SEC14L5: variants seen among roughly 807,000 people sequenced by gnomAD.
SEC14L5 encodes the protein SEC14-like protein 5.
SEC14L5 carries 96 observed loss-of-function variants against 84.6 expected under a neutral mutation model. The ratio of observed to expected loss-of-function variants is 1.13; its 90% confidence interval spans 0.96 to 1.34. The LOEUF (loss-of-function observed/expected upper bound fraction) is 1.34, where lower values mean the gene tolerates loss of function less well. Ranked by LOEUF, SEC14L5 falls within the 40% of genes most tolerant of loss-of-function variation. The pLI, the probability that SEC14L5 is intolerant of heterozygous loss-of-function variation, is 0.00. For synonymous variants in SEC14L5, 546 were observed against 383.4 expected, an observed-to-expected ratio of 1.42 and a Z score of -4.95; for missense variants, 1,224 against 942.5, an observed-to-expected ratio of 1.30 and a Z score of -3.91.
chr16:5,015,471 A>G lies in SEC14L5; in HGVS notation c.*501A>G, dbSNP rs74951136. 2,202 of 157,578 alleles carry G rather than the reference A, an allele frequency of 0.014. 51 individuals carry two copies. Among genetic ancestry groups the G allele is most frequent in the African/African-American group, 0.05 (2,090 of 41,708 alleles). The allele number at this position is 157,578 out of a possible 1,614,324, so 9.8% of individuals were successfully genotyped here. On this transcript the variant is annotated 3_prime_UTR_variant, in exon 16 of 16. Transcript: ENST00000251170. ...CCAGGTCAATTCCTGAACCAATCAC[A>G]GTTGCCAGGCACACTGGAGAATGCT...
chr16:4,978,827 G>T (rs1031573870), intron 2 of SEC14L5, among the ~76,000 whole-genome samples: 4 of 152,042 alleles, frequency 2.6e-5, no homozygotes, highest in South Asian at 2.1e-4. Context: ...GGTCTCGATC[G>T]CTTGACCTCG....
At chr16:5,008,779 G>T (rs1348589860) in intron 14 of SEC14L5, 131 bp downstream of exon 14, 12 of 770,444 alleles carry the variant, frequency 1.6e-5, no homozygotes, top group Non-Finnish European at 2.3e-5. Flanking sequence ...CTGCAGGACA[G>T]GGCAGAGGAA....
intron 15 of SEC14L5, 83 bp from the exon 16 acceptor site, chr16:5,014,776 C>G (rs1955851969): frequency 9.6e-7 from 1 of 1,046,118 alleles, no homozygotes; most frequent in Non-Finnish European, 1.4e-6. Flanking sequence ...TTTGCAGCAT[C>G]AACAGCTTTT....
At chr16:4,984,442 A>G (rs1318288025) in intron 2 of SEC14L5, among the ~76,000 whole-genome samples, 2 of 152,174 alleles carry the variant, frequency 1.3e-5, no homozygotes, top group African/African-American at 4.8e-5. Context: ...TCATCCGTTG[A>G]TGGACATTTG....
At chr16:5,006,101 A>G (rs2142527317) in intron 12 of SEC14L5, 53 bp downstream of exon 12, 1 of 1,588,428 alleles carries the variant, frequency 6.3e-7, no homozygotes, top group Admixed American at 1.7e-5. Flanking sequence ...GGGCATGCCT[A>G]GCTGGGAGGC....
At chr16:4,987,739 G>A in intron 3 of SEC14L5, 33 bp downstream of exon 3, 1 of 1,445,022 alleles carries the variant, frequency 6.9e-7, no homozygotes, top group Non-Finnish European at 9.1e-7. Context: ...GGCGGAGGAG[G>A]GGACCTGTTG....
chr16:4,991,123 A>T (rs1412945674), intron 5 of SEC14L5, among the ~76,000 whole-genome samples: 1 of 132,300 alleles, frequency 7.6e-6, no homozygotes, highest in Non-Finnish European at 1.6e-5. Flanking sequence ...GTCCAGGCTT[A>T]TGTGGTGAAT....
At chr16:5,012,619 C>T (rs931221916) in intron 15 of SEC14L5, among the ~76,000 whole-genome samples, 6 of 152,212 alleles carry the variant, frequency 3.9e-5, no homozygotes, top group African/African-American at 7.2e-5. Flanking sequence ...AAAGAACTAC[C>T]TGAGGCCGGG....
At chr16:4,979,923 T>G (rs1275411726) in intron 2 of SEC14L5, among the ~76,000 whole-genome samples, 1 of 152,188 alleles carries the variant, frequency 6.6e-6, no homozygotes, top group East Asian at 1.9e-4. Flanking sequence ...GGTCCCCTGC[T>G]TTGCGAGTTA....
chr16:5,006,089 G>A lies in SEC14L5; in HGVS notation c.1437+41G>A, dbSNP rs193173563. On this transcript the variant is annotated intron_variant, in intron 12 of 15. Transcript: ENST00000251170. ...CCACAGACAGACCTGGGCTTGAGGA[G>A]GGGGCATGCCTAGCTGGGAGGCTGG... 141 of 1,606,152 alleles carry A rather than the reference G, an allele frequency of 8.8e-5. No individual in the cohort carries two copies. In the African/African-American group the frequency reaches 1.6e-3, roughly 19 times the overall value.
At chr16:4,975,302 C>T (rs1275203271) in intron 2 of SEC14L5, among the ~76,000 whole-genome samples, 1 of 151,626 alleles carries the variant, frequency 6.6e-6, no homozygotes, top group Non-Finnish European at 1.5e-5. Context: ...GAAACCCCGT[C>T]TCCACTAAAA....
chr16:4,965,553 C>T (rs1229750111), intron 2 of SEC14L5, among the ~76,000 whole-genome samples: 5 of 146,828 alleles, frequency 3.4e-5, no homozygotes, highest in African/African-American at 1.0e-4. Flanking sequence ...CCCAGCTACT[C>T]GGGAGGCTGA....
At chr16:4,990,401 G>C (rs1472971700) in intron 4 of SEC14L5, among the ~76,000 whole-genome samples, 1 of 152,196 alleles carries the variant, frequency 6.6e-6, no homozygotes, top group African/African-American at 2.4e-5. Flanking sequence ...GACCTCAAAT[G>C]ATTCGCCCAC....
chr16:4,966,235 G>A (rs1955198552), intron 2 of SEC14L5, among the ~76,000 whole-genome samples: 1 of 150,272 alleles, frequency 6.7e-6, no homozygotes, highest in Admixed American at 6.7e-5. Context: ...CAAAGTGCTG[G>A]GATTACAGGC....
At chr16:5,014,721 T>G (rs1276614440) in intron 15 of SEC14L5, 138 bp from the exon 16 acceptor site, 1 of 633,062 alleles carries the variant, frequency 1.6e-6, no homozygotes, top group African/African-American at 1.8e-5. Context: ...CTTCATGGCG[T>G]CACTTGCTTT....
In SEC14L5 at chr16:5,018,660, A is replaced by G. The variant is rs1195838873; in HGVS notation, c.*3690A>G. ...GGGTGACAAAGCAAGACCCTGTCTCAAAAAAAGAAGAAAGAAGCTGCTTGT... is the reference window on the plus strand; with the variant it reads ...GGGTGACAAAGCAAGACCCTGTCTCGAAAAAAGAAGAAAGAAGCTGCTTGT... On this transcript the variant is annotated 3_prime_UTR_variant, in exon 16 of 16. Coordinates refer to ENST00000251170, the MANE Select transcript of SEC14L5 (RefSeq NM_014692.2). 6.6e-6 allele frequency: 1 copy of G among 152,210 alleles called. No individual in the cohort carries two copies. The highest frequency in any genetic ancestry group is 1.5e-5 in the Non-Finnish European group (1 of 68,054). The allele number at this position is 152,210 out of a possible 1,614,324, so 9.4% of individuals were successfully genotyped here.
intron 2 of SEC14L5, among the ~76,000 whole-genome samples, chr16:4,981,003 G>A (rs1180901569): frequency 6.6e-6 from 1 of 152,120 alleles, no homozygotes; most frequent in African/African-American, 2.4e-5. Flanking sequence ...GGCGTGGCTG[G>A]AGCCAGATGA....
chr16:4,996,957 C>A lies in SEC14L5; in HGVS notation c.883C>A (p.His295Asn). The A allele has an allele frequency of 6.2e-7, 1 of 1,613,604 alleles. No individual in the cohort carries two copies. The highest frequency in any genetic ancestry group is 8.5e-7 in the Non-Finnish European group (1 of 1,179,680). ...LRQSLSWRKQ[H>N]QVDLLLQTWQ... ...CCAGTCCTTGAGCTGGCGCAAGCAG[C>A]ACCAGGTGGATCTCCTCCTTCAGAC... Residue 295 changes from histidine (H) to asparagine (N), a missense_variant, in exon 8 of 16, where the codon CAC becomes AAC. Transcript: ENST00000251170.
Position 5,014,996 on chromosome 16 carries a change from C to T in SEC14L5, c.*26C>T, listed in dbSNP as rs368636221. On this transcript the variant is annotated 3_prime_UTR_variant, in exon 16 of 16. Transcript: ENST00000251170. ...CCGGGCCCAGTGTTTCAGGGCCGCC[C>T]GCTCGCCTCCAGTGTCCAGAAATGT... is the stretch of plus-strand genomic sequence containing the variant. The T allele has an allele frequency of 1.7e-4, 256 of 1,541,060 alleles. No homozygotes were observed. The African/African-American group carries it at 1.8e-3, about 11-fold the overall frequency.
Sources: gnomAD v4.1 joint callset for allele counts (sites outside exome capture counted in the v4.1 genomes callset) on GRCh38, gnomAD v4.1.1 for gene constraint, MANE v1.5 for transcripts, NCBI Gene and HGNC (gene_info 2026-07-23, HGNC 2026-07-21) for gene names.